The following GRIN2B variants were observed in gnomAD, a reference collection of about 807,000 sequenced individuals.
GRIN2B encodes the protein glutamate receptor ionotropic, NMDA 2B.
A neutral mutation model predicts 114.5 loss-of-function variants in GRIN2B; 5 were observed. The observed-to-expected ratio is 0.04, with a 90% CI of 0.02 to 0.09. The LOEUF is 0.09. Ranked by LOEUF, GRIN2B falls within the 10% of genes least tolerant of loss-of-function variation. The probability of loss-of-function intolerance (pLI) is 1.00; values close to 1 mark genes in which losing one functional copy is unlikely to be tolerated. For synonymous variants in GRIN2B, 787 were observed against 745.1 expected (o/e 1.06, Z -0.92); for missense variants, 1,108 against 1,943.5 (o/e 0.57, Z 8.08).
In GRIN2B at chr12:13,563,082, G is replaced by A; in HGVS notation, c.4156C>T (p.Pro1386Ser). Reference protein sequence around the residue: ...SLYPDRVTQNPFIPTFGDDQC... With the variant: ...SLYPDRVTQNSFIPTFGDDQC... ...TCGTCCCCAAAAGTGGGGATGAAAG[G>A]GTTTTGCGTGACCCGGTCAGGGTAG... Residue 1386 changes from proline to serine, a missense_variant, in exon 14 of 14, where the codon CCT (proline) becomes TCT (serine). By Grantham distance (74) the Pro-to-Ser change is moderately conservative. Around this residue, in one of 19 missense-constraint regions of GRIN2B, gnomAD observed 478 missense variants for 506.0 expected, o/e 0.94. Transcript: ENST00000609686. The A allele has an allele frequency of 6.2e-7, 1 of 1,614,190 alleles. No homozygotes were observed. Among genetic ancestry groups the A allele is most frequent in the Non-Finnish European group, 8.5e-7 (1 of 1,180,040 alleles).
chr12:13,830,189 AC>A (rs556930776), intron 3 of GRIN2B, among the ~76,000 whole-genome samples: 172 of 152,350 alleles, frequency 1.1e-3, no homozygotes, highest in Admixed American at 1.0e-2. Flanking sequence ...GCAACCCAAA[AC>A]AAAAGCAGGG....
chr12:13,607,910 G>T (rs1385993047), intron 10 of GRIN2B, among the ~76,000 whole-genome samples: 1 of 152,164 alleles, frequency 6.6e-6, no homozygotes, highest in Admixed American at 6.5e-5. Context: ...CATGGAAAAT[G>T]TGATGCTTCA....
At chr12:13,975,121 A>G (rs1182316291) in intron 2 of GRIN2B, among the ~76,000 whole-genome samples, 1 of 152,208 alleles carries the variant, frequency 6.6e-6, no homozygotes, top group Admixed American at 6.5e-5. Flanking sequence ...GAAGTGCTGG[A>G]ATCCCAAAAG....
At chr12:13,951,042 G>C (rs1489638213) in intron 2 of GRIN2B, among the ~76,000 whole-genome samples, 1 of 152,106 alleles carries the variant, frequency 6.6e-6, no homozygotes, top group African/African-American at 2.4e-5. Context: ...TCCAAGAAGA[G>C]CAAGGCCAAG....
chr12:13,732,103 A>G (rs1009534155), intron 4 of GRIN2B, among the ~76,000 whole-genome samples: 3 of 152,204 alleles, frequency 2.0e-5, no homozygotes, highest in African/African-American at 7.2e-5. Context: ...GAGAGCATAT[A>G]AGAGCTAAAA....
intron 8 of GRIN2B, among the ~76,000 whole-genome samples, chr12:13,614,493 C>T (rs2136478456): frequency 6.6e-6 from 1 of 152,086 alleles, no homozygotes; most frequent in South Asian, 2.1e-4. Context: ...AAATCTTGGC[C>T]TCATCTCACC....
intron 4 of GRIN2B, among the ~76,000 whole-genome samples, chr12:13,715,229 A>C (rs990300103): frequency 6.6e-6 from 1 of 151,894 alleles, no homozygotes; most frequent in Non-Finnish European, 1.5e-5. Context: ...TCCTTCATTC[A>C]CTTTTCTGAA....
chr12:13,798,266 A>G (rs1864450362), intron 3 of GRIN2B, among the ~76,000 whole-genome samples: 1 of 150,390 alleles, frequency 6.6e-6, no homozygotes, highest in Non-Finnish European at 1.5e-5. Flanking sequence ...GAGTTATGAA[A>G]CAAGGAAATA....
At chr12:13,775,515 G>T (rs7958127) in intron 3 of GRIN2B, among the ~76,000 whole-genome samples, 56,113 of 152,112 alleles carry the variant, frequency 0.37, 10,873 homozygotes, top group Non-Finnish European at 0.43. Flanking sequence ...CTGGGAGGCA[G>T]GTATTTGTTT....
intron 2 of GRIN2B, among the ~76,000 whole-genome samples, chr12:13,970,598 G>A (rs1862894071): frequency 6.6e-6 from 1 of 151,004 alleles, no homozygotes; most frequent in Non-Finnish European, 1.5e-5. Flanking sequence ...TGTCCTCACA[G>A]GAAAATAAAA....
intron 2 of GRIN2B, among the ~76,000 whole-genome samples, chr12:13,894,246 T>C (rs949739082): frequency 6.6e-6 from 1 of 152,156 alleles, no homozygotes; most frequent in Non-Finnish European, 1.5e-5. Flanking sequence ...AAAGAAATAA[T>C]GTAAAATACA....
At chr12:13,724,241 G>C (rs552866592) in intron 4 of GRIN2B, among the ~76,000 whole-genome samples, 1 of 152,138 alleles carries the variant, frequency 6.6e-6, no homozygotes, top group Non-Finnish European at 1.5e-5. Context: ...ACTACAGCTG[G>C]AAAATACAGT....
chr12:13,760,897 ATT>A (rs1337106443), intron 3 of GRIN2B, among the ~76,000 whole-genome samples: 1 of 152,114 alleles, frequency 6.6e-6, no homozygotes, highest in Non-Finnish European at 1.5e-5. Context: ...CCACACCATC[ATT>A]TTTTTCTGGT....
At chr12:13,855,147 G>C (rs182643872) in intron 3 of GRIN2B, among the ~76,000 whole-genome samples, 1 of 151,988 alleles carries the variant, frequency 6.6e-6, no homozygotes, top group South Asian at 2.1e-4. Flanking sequence ...GAACCTGGGA[G>C]GCAAAGGCTT....
intron 3 of GRIN2B, among the ~76,000 whole-genome samples, chr12:13,767,117 G>A (rs1004050521): frequency 6.6e-6 from 1 of 152,018 alleles, no homozygotes; most frequent in African/African-American, 2.4e-5. Flanking sequence ...AAAATTAGCC[G>A]GGCGTGGTGG....
intron 2 of GRIN2B, among the ~76,000 whole-genome samples, chr12:13,867,587 T>C (rs1865847658): frequency 6.6e-6 from 1 of 152,228 alleles, no homozygotes; most frequent in Non-Finnish European, 1.5e-5. Flanking sequence ...ACATCTTTTA[T>C]ATGCTGCACA....
At chr12:13,607,952 G>A (rs1368597584) in intron 10 of GRIN2B, among the ~76,000 whole-genome samples, 2 of 152,100 alleles carry the variant, frequency 1.3e-5, no homozygotes, top group African/African-American at 2.4e-5. Context: ...TATTTAGAAT[G>A]GGTTTTGTAC....
chr12:13,979,911 A>C lies in GRIN2B; in HGVS notation c.-19+17T>G, dbSNP rs1464220410. 2.6e-5 allele frequency: 4 copies of C among 152,196 alleles called. No homozygotes were observed. Among genetic ancestry groups the C allele is most frequent in the African/African-American group, 9.7e-5 (4 of 41,436 alleles). The allele number at this position is 152,196 out of a possible 1,614,324, so 9.4% of individuals were successfully genotyped here. A position where few individuals can be genotyped will look rare whatever the true frequency, so the allele number is the denominator to read the frequency against. On this transcript the variant is annotated intron_variant, in intron 2 of 13. Transcript: ENST00000609686. ...CCTACCCCAGGTGAGGAAAAAATAA[A>C]ATAGAATTTGCCCTACCTTGGTTTG...
intron 3 of GRIN2B, among the ~76,000 whole-genome samples, chr12:13,782,354 A>C (rs561272913): frequency 1.3e-5 from 2 of 152,234 alleles, no homozygotes; most frequent in South Asian, 4.1e-4. Context: ...TCTTCTGCTA[A>C]CAGCCCAAGA....
Sources: gnomAD v4.1 joint callset for allele counts (sites outside exome capture counted in the v4.1 genomes callset) on GRCh38, gnomAD v4.1.1 for gene constraint, gnomAD v4.1.1 regional missense constraint, MANE v1.5 for transcripts, NCBI Gene and HGNC (gene_info 2026-07-23, HGNC 2026-07-21) for gene names.